NAA30: variants seen among roughly 807,000 people sequenced by gnomAD.
NAA30 encodes N-alpha-acetyltransferase 30, NatC catalytic subunit.
A neutral mutation model predicts 31.4 loss-of-function variants in NAA30; 5 were observed. The ratio of observed to expected loss-of-function variants is 0.16; its 90% confidence interval spans 0.08 to 0.33. The LOEUF is 0.33. Ranked by LOEUF, NAA30 falls within the 10% of genes least tolerant of loss-of-function variation. The pLI is 1.00. For missense variants in NAA30, 428 were observed against 490.8 expected, an observed-to-expected ratio of 0.87 and a Z score of 1.21; for synonymous variants, 222 against 207.1, an observed-to-expected ratio of 1.07 and a Z score of -0.62.
chr14:57,408,513 A>G (rs1451842141), intron 4 of NAA30, among the ~76,000 whole-genome samples: 1 of 152,226 alleles, frequency 6.6e-6, no homozygotes, highest in African/African-American at 2.4e-5. Context: ...TGGTTCTCAA[A>G]ATGTGGTCCC....
Position 57,409,470 on chromosome 14 carries a change from A to G in NAA30, c.1043A>G (p.Tyr348Cys). Residue 348 changes from tyrosine (Y) to cysteine (C), a missense_variant, in exon 5 of 5, where the codon TAT (tyrosine) becomes TGT (cysteine). Tyr to Cys is a radical substitution (Grantham distance 194, BLOSUM62 -2). Transcript: ENST00000556492. Reference sequence around the variant, plus strand: ...CGAGATAAGAGGCTGTTCAGATACTATTTAAATGGAGTTGATGCACTGCGA... The same window carrying G: ...CGAGATAAGAGGCTGTTCAGATACTGTTTAAATGGAGTTGATGCACTGCGA... Reference protein sequence around the residue: ...FVRDKRLFRYYLNGVDALRLK... With the variant: ...FVRDKRLFRYCLNGVDALRLK... 1 of 1,610,580 alleles carries G rather than the reference A, an allele frequency of 6.2e-7. No individual in the cohort carries two copies. The highest frequency in any genetic ancestry group is 8.5e-7 in the Non-Finnish European group (1 of 1,178,620).
rs575950778 is a variant in NAA30, at chr14:57,399,002, C to T, written c.896-826C>T. On this transcript the variant is annotated intron_variant, in intron 3 of 4. Coordinates refer to ENST00000556492, the MANE Select transcript of NAA30 (RefSeq NM_001011713.3). ...CTCAGCCTCCAAAATGCTGGGATTACAGGCGTGAGCCACCACGCCTGGCCA... is the reference window on the plus strand; with the variant it reads ...CTCAGCCTCCAAAATGCTGGGATTATAGGCGTGAGCCACCACGCCTGGCCA... Among the ~76,000 whole-genome samples, 20 of 151,910 alleles carry T rather than the reference C, an allele frequency of 1.3e-4. 1 individual carries two copies. In the East Asian group the frequency reaches 3.1e-3, roughly 24 times the overall value.
chr14:57,399,904 A>G (rs779747511), intron 4 of NAA30, 21 bp downstream of exon 4: 35 of 1,232,702 alleles, frequency 2.8e-5, no homozygotes, highest in Non-Finnish European at 3.9e-5. Context: ...AAAAATGTTT[A>G]ATATTTTTTA....
chr14:57,391,328 C>T lies in NAA30; in HGVS notation c.371C>T (p.Ala124Val), dbSNP rs1379312811. 5 of 1,611,436 alleles carry T rather than the reference C, an allele frequency of 3.1e-6. No homozygotes were observed. Among genetic ancestry groups the T allele is most frequent in the Non-Finnish European group, 4.2e-6 (5 of 1,179,418 alleles). The change falls in exon 2 of 5, where the codon GCG becomes GTG. Residue 124 changes from alanine to valine, a missense_variant. Around this residue, in one of 2 missense-constraint regions of NAA30, gnomAD observed 349 missense variants for 310.4 expected, o/e 1.12. Coordinates refer to ENST00000556492, the MANE Select transcript of NAA30 (RefSeq NM_001011713.3). This position sits in a 1 kb window ranked among gnomAD's most constrained non-coding sequence, Gnocchi z 4.1. ...TTATPDGGPR[A>V]TATKGAGVHS... ...GCCACCCCTGACGGAGGCCCCAGAG[C>T]GACTGCAACAAAAGGAGCCGGGGTA...
chr14:57,390,593 C>CGGCGGCTGAGTGAGAACCTT lies in NAA30; in HGVS notation c.-105_-86dup, dbSNP rs1448406520. ...TAACAGCTGAGGCGCTTTACGGCGA[C>CGGCGGCTGAGTGAGAACCTT]GGCGGCTGAGTGAGAACCTTGGCGG... On this transcript the variant is annotated 5_prime_UTR_variant, in exon 1 of 5. Transcript: ENST00000556492. 5.7e-5 allele frequency: 16 copies of CGGCGGCTGAGTGAGAACCTT among 281,282 alleles called. No homozygotes were observed. The highest frequency in any genetic ancestry group is 3.1e-4 in the African/African-American group (14 of 45,556). 17.4% of individuals were successfully genotyped at this position (281,282 alleles called of 1,614,324 possible).
Position 57,391,193 on chromosome 14 carries a change from A to C in NAA30, c.236A>C (p.Gln79Pro). 1.2e-6 allele frequency: 2 copies of C among 1,611,294 alleles called. No homozygotes were observed. The highest frequency in any genetic ancestry group is 1.7e-6 in the Non-Finnish European group (2 of 1,179,724). Residue 79 changes from glutamine (Q) to proline (P), a missense_variant, in exon 2 of 5, where the codon CAG (glutamine) becomes CCG (proline). Physicochemically the swap from Gln to Pro is moderately conservative, Grantham distance 76 (BLOSUM62 -1). Coordinates refer to ENST00000556492, the MANE Select transcript of NAA30 (RefSeq NM_001011713.3). The surrounding 1 kb of genome is among the most constrained non-coding windows in gnomAD (Gnocchi z 4.1). ...HPCLRCPQPP[Q>P]EQQQLNGLIS... ...TGCCTCCGCTGCCCTCAGCCGCCGC[A>C]GGAGCAGCAGCAGCTCAACGGATTG... is the stretch of plus-strand genomic sequence containing the variant.
chr14:57,404,428 G>C (rs1203650004), intron 4 of NAA30, among the ~76,000 whole-genome samples: 1 of 152,128 alleles, frequency 6.6e-6, no homozygotes, highest in Non-Finnish European at 1.5e-5. Flanking sequence ...GGAATTTATA[G>C]TATCTTAAAA....
At position 57,411,345 on chromosome 14, in the gene NAA30, G is replaced by T. The variant is rs1435497447; in HGVS notation, c.*1829G>T. ...ATGTTTTTGGTCAAACTTCATTTAG[G>T]CACTAGCATTTAGAAGAATACCAAT... is the stretch of plus-strand genomic sequence containing the variant. On this transcript the variant is annotated 3_prime_UTR_variant, in exon 5 of 5. Transcript: ENST00000556492. 1 of 151,972 alleles carries T rather than the reference G, an allele frequency of 6.6e-6. No homozygotes were observed. Among genetic ancestry groups the T allele is most frequent in the African/African-American group, 2.4e-5 (1 of 41,398 alleles). 9.4% of individuals were successfully genotyped at this position (151,972 alleles called of 1,614,324 possible).
At chr14:57,394,348 AT>A (rs2066442119) in intron 2 of NAA30, among the ~76,000 whole-genome samples, 1 of 151,664 alleles carries the variant, frequency 6.6e-6, no homozygotes, top group Non-Finnish European at 1.5e-5. Flanking sequence ...CTCTCACTTT[AT>A]TTTTTTCATA....
intron 2 of NAA30, among the ~76,000 whole-genome samples, chr14:57,392,029 T>G (rs1424903199): frequency 1.3e-5 from 2 of 152,210 alleles, no homozygotes; most frequent in Non-Finnish European, 2.9e-5. Flanking sequence ...TAACCGTCTT[T>G]AATTACCCGC....
Position 57,404,277 on chromosome 14 carries a change from G to A in NAA30, c.951+4394G>A, listed in dbSNP as rs200886368. Among the ~76,000 whole-genome samples, 566 of 152,192 alleles carry A rather than the reference G, an allele frequency of 3.7e-3. 3 individuals carry two copies. The highest frequency in any genetic ancestry group is 0.012 in the African/African-American group (496 of 41,528). ...GTGGAGGTTGCAGTGAGCCGAGATCGCGCCATTGCACTCCAGCCTGGGGGC... is the reference window on the plus strand; with the variant it reads ...GTGGAGGTTGCAGTGAGCCGAGATCACGCCATTGCACTCCAGCCTGGGGGC... On this transcript the variant is annotated intron_variant, in intron 4 of 4. Transcript: ENST00000556492.
At chr14:57,397,883 A>T (rs1222727918) in intron 3 of NAA30, among the ~76,000 whole-genome samples, 1 of 152,058 alleles carries the variant, frequency 6.6e-6, no homozygotes, top group Admixed American at 6.5e-5. Context: ...GTGCCACTGC[A>T]CTCTAGCCTG....
intron 4 of NAA30, among the ~76,000 whole-genome samples, chr14:57,406,683 AGTT>A (rs1232634010): frequency 6.6e-6 from 1 of 152,136 alleles, no homozygotes. Flanking sequence ...CCAAGTTTTG[AGTT>A]GTTGTGACTT....
chr14:57,400,090 T>C (rs1310925613), intron 4 of NAA30, among the ~76,000 whole-genome samples: 1 of 152,144 alleles, frequency 6.6e-6, no homozygotes, highest in Non-Finnish European at 1.5e-5. Flanking sequence ...CTTCAAAATG[T>C]GTGGGGGGAA....
chr14:57,415,030 T>A lies in NAA30; in HGVS notation c.*5514T>A, dbSNP rs907752638. The A allele has an allele frequency of 6.6e-6, 1 of 152,220 alleles. No homozygotes were observed. The highest frequency in any genetic ancestry group is 2.4e-5 in the African/African-American group (1 of 41,460). The allele number at this position is 152,220 out of a possible 1,614,324, so 9.4% of individuals were successfully genotyped here. On this transcript the variant is annotated 3_prime_UTR_variant, in exon 5 of 5. Coordinates refer to ENST00000556492, the MANE Select transcript of NAA30 (RefSeq NM_001011713.3). ...GCTAAGAAATAAGCTTATTTTTAGA[T>A]ATGGATTTTTTATGACTACCTCTTT...
At chr14:57,400,032 C>A in intron 4 of NAA30, 149 bp downstream of exon 4, 1 of 453,204 alleles carries the variant, frequency 2.2e-6, no homozygotes, top group Non-Finnish European at 3.8e-6. Context: ...CATTTAAAAA[C>A]ACATGAATTT....
At chr14:57,398,663 C>T (rs994270725) in intron 3 of NAA30, among the ~76,000 whole-genome samples, 1 of 151,422 alleles carries the variant, frequency 6.6e-6, no homozygotes, top group Non-Finnish European at 1.5e-5. Flanking sequence ...GAGATAGTCT[C>T]ACTCTGTCGC....
chr14:57,396,655 C>T (rs571263453), intron 2 of NAA30, 97 bp from the exon 3 acceptor site: 141 of 1,318,816 alleles, frequency 1.1e-4, no homozygotes, highest in Non-Finnish European at 1.4e-4. Flanking sequence ...CTTCCCCCGT[C>T]GAAAATGCTT....
At chr14:57,399,749 T>C in intron 3 of NAA30, 79 bp from the exon 4 acceptor site, 1 of 821,044 alleles carries the variant, frequency 1.2e-6, no homozygotes, top group South Asian at 1.5e-5. Flanking sequence ...TTGACATTTC[T>C]GTGCTTACGA....
Sources: gnomAD v4.1 joint callset for allele counts (sites outside exome capture counted in the v4.1 genomes callset) on GRCh38, gnomAD v4.1.1 for gene constraint, gnomAD v4.1.1 regional missense constraint, Gnocchi (gnomAD v3.1) non-coding constraint, MANE v1.5 for transcripts, NCBI Gene and HGNC (gene_info 2026-07-23, HGNC 2026-07-21) for gene names.